The following BDNF variants were observed in gnomAD, a reference collection of about 807,000 sequenced individuals.
BDNF encodes the protein neurotrophic factor BDNF precursor form.
Under a neutral mutation model 19.5 loss-of-function variants are expected in BDNF, and 1 was observed. The ratio of observed to expected loss-of-function variants is 0.05; its 90% CI spans 0.02 to 0.24. The LOEUF (loss-of-function observed/expected upper bound fraction) is 0.24. Among genes scored for constraint, BDNF ranks in the 10% least tolerant of loss-of-function variants. BDNF has a pLI of 1.00. For synonymous variants in BDNF, 100 were observed against 121.6 expected (o/e 0.82, Z 1.17); for missense variants, 195 against 317.6 (o/e 0.61, Z 2.93).
chr11:27,703,841 G>A (rs780381114), upstream of BDNF, among the ~76,000 whole-genome samples: 1 of 152,158 alleles, frequency 6.6e-6, no homozygotes, highest in Non-Finnish European at 1.5e-5. Flanking sequence ...TTATAGCATT[G>A]CCAATACTGT....
In BDNF at chr11:27,656,039, G is replaced by T. The variant is rs11030100; in HGVS notation, c.*1782C>A. 26,114 of 152,006 alleles carry T rather than the reference G, an allele frequency of 0.17. 2,876 individuals are homozygous for T. The highest frequency in any genetic ancestry group is 0.46 in the East Asian group (2,366 of 5,096). 9.4% of individuals were successfully genotyped at this position (152,006 alleles called of 1,614,324 possible). The stretch of plus-strand genomic sequence containing the variant: ...CTTCCATTGAGCAAGGCACCTTCAA[G>T]TCTTGGTGTTCTGAATGTCCAGACA... On this transcript the variant is annotated 3_prime_UTR_variant, in exon 2 of 2. Transcript: ENST00000356660.
intron 1 of BDNF, among the ~76,000 whole-genome samples, chr11:27,687,473 TGGA>T (rs1857630888): frequency 6.6e-6 from 1 of 152,222 alleles, no homozygotes; most frequent in South Asian, 2.1e-4. Context: ...TGTGCTCCCT[TGGA>T]GGAGAAGAGG....
chr11:27,686,458 T>C (rs994196532), intron 1 of BDNF, among the ~76,000 whole-genome samples: 41 of 152,220 alleles, frequency 2.7e-4, no homozygotes, highest in Non-Finnish European at 3.2e-4. Context: ...AGCTGGTTAT[T>C]TTGCCCATTA....
At chr11:27,674,698 A>T in intron 1 of BDNF, 1 of 985,426 alleles carries the variant, frequency 1.0e-6, no homozygotes, top group South Asian at 4.7e-5. Flanking sequence ...CAGGACTGTG[A>T]AAACATCTGT....
At chr11:27,718,354 A>ACCCCCCCCCCTCCCCCCC (rs376255605) in intron 1 of BDNF, among the ~76,000 whole-genome samples, 1 of 101,112 alleles carries the variant, frequency 9.9e-6, no homozygotes. Flanking sequence ...TCCGCACACC[A>ACCCCCCCCCCTCCCCCCC]CCCCCCCCCG....
rs112055742 is a variant in BDNF at position 27,712,986 on chromosome 11, C to T, written c.3+8426G>A. Among the ~76,000 whole-genome samples the T allele has an allele frequency of 7.4e-3, 1,082 of 145,366 alleles. 12 individuals carry two copies. The highest frequency in any genetic ancestry group is 0.026 in the African/African-American group (1,007 of 39,020). On this transcript the variant is annotated intron_variant, in intron 1 of 1. Transcript: ENST00000314915. ...GCAATGGCATGATCTCGGCTTACTA[C>T]AGCCTCTGTCTCCATGGTTCAAGTT...
intron 1 of BDNF, among the ~76,000 whole-genome samples, chr11:27,678,948 G>A (rs1429045663): frequency 6.6e-6 from 1 of 152,018 alleles, no homozygotes; most frequent in Non-Finnish European, 1.5e-5. Context: ...CTCCTAAAAC[G>A]AAACATTCCA....
Position 27,655,068 on chromosome 11 carries a change from A to G in BDNF, c.*2753T>C, listed in dbSNP as rs1852390209. ...TAATTATATAAATATACTAAAATAC[A>G]ATAAATATTGTTTTTTGTTTTACAT... On this transcript the variant is annotated 3_prime_UTR_variant, in exon 2 of 2. Transcript: ENST00000356660. 1 of 152,404 alleles carries G rather than the reference A, an allele frequency of 6.6e-6. No individual in the cohort carries two copies. The highest frequency in any genetic ancestry group is 1.9e-4 in the East Asian group (1 of 5,192). 9.4% of individuals were successfully genotyped at this position (152,404 alleles called of 1,614,324 possible). A position where few individuals can be genotyped will look rare whatever the true frequency, so the allele number is the denominator to read the frequency against.
chr11:27,670,850 G>A (rs972562723), intron 1 of BDNF, among the ~76,000 whole-genome samples: 11 of 152,186 alleles, frequency 7.2e-5, no homozygotes, highest in African/African-American at 2.4e-4. Flanking sequence ...ACAGTGTGGC[G>A]ATTCCTCTAG....
At chr11:27,665,404 A>T (rs1198144184) in intron 1 of BDNF, 1 of 152,494 alleles carries the variant, frequency 6.6e-6, no homozygotes, top group African/African-American at 2.4e-5. Flanking sequence ...TACCGGGTTC[A>T]TCTCACTGGG....
At chr11:27,675,990 G>A (rs559049816) in intron 1 of BDNF, 1 of 152,290 alleles carries the variant, frequency 6.6e-6, no homozygotes, top group African/African-American at 2.4e-5. Context: ...CATCCCAAAT[G>A]TGTGTGGCAA....
At chr11:27,667,905 C>T (rs1854645289) in intron 1 of BDNF, among the ~76,000 whole-genome samples, 1 of 152,174 alleles carries the variant, frequency 6.6e-6, no homozygotes, top group Non-Finnish European at 1.5e-5. Context: ...CTCAGCTCTG[C>T]ACCAAGCGGA....
intron 1 of BDNF, chr11:27,697,908 C>T (rs1400485984): frequency 6.6e-6 from 1 of 152,046 alleles, no homozygotes; most frequent in Non-Finnish European, 1.5e-5. Flanking sequence ...AAAACATGTA[C>T]GTAAGCCTTG....
intron 1 of BDNF, chr11:27,660,401 A>T (rs1490089264): frequency 3.2e-6 from 1 of 315,290 alleles, no homozygotes; most frequent in East Asian, 1.1e-4. Context: ...TAAAATACAG[A>T]TGTCTATTCC....
At position 27,657,075 on chromosome 11, in the gene BDNF, G is replaced by A; in HGVS notation, c.*746C>T. ...AGGTGCATCACGGGATGTGGAGTGT[G>A]AGCATTTTTTTGTTCAGTTGCCTTA... On this transcript the variant is annotated 3_prime_UTR_variant, in exon 2 of 2. Transcript: ENST00000356660. This position sits in a 1 kb window ranked among gnomAD's most constrained non-coding sequence, Gnocchi z 5.0. The A allele has an allele frequency of 2.0e-6, 2 of 985,558 alleles. No homozygotes were observed. Among genetic ancestry groups the A allele is most frequent in the Non-Finnish European group, 2.4e-6 (2 of 829,984 alleles). 61.1% of individuals were successfully genotyped at this position (985,558 alleles called of 1,614,324 possible).
At chr11:27,681,162 A>G (rs557130574) in intron 1 of BDNF, among the ~76,000 whole-genome samples, 27 of 152,308 alleles carry the variant, frequency 1.8e-4, no homozygotes, top group Non-Finnish European at 3.1e-4. Context: ...ACATTGTTCT[A>G]TCTACACACA....
chr11:27,710,568 A>G (rs537705978), intron 1 of BDNF, among the ~76,000 whole-genome samples: 1 of 152,314 alleles, frequency 6.6e-6, no homozygotes, highest in Non-Finnish European at 1.5e-5. Context: ...AAGGAAAGCC[A>G]ATAAACATTC....
chr11:27,684,933 TC>T (rs1857292297), intron 1 of BDNF, among the ~76,000 whole-genome samples: 1 of 152,332 alleles, frequency 6.6e-6, no homozygotes. Context: ...TAGGGAGGAT[TC>T]CCTCCTTTTC....
chr11:27,701,044 A>C, upstream of BDNF: 4 of 1,356,428 alleles, frequency 2.9e-6, no homozygotes, highest in Non-Finnish European at 3.9e-6. Flanking sequence ...CATGGGGGCT[A>C]TTGGTTTACT....
Sources: allele counts gnomAD v4.1 joint callset (sites outside exome capture counted in the v4.1 genomes callset), GRCh38; gene constraint gnomAD v4.1.1; non-coding constraint Gnocchi (gnomAD v3.1); transcripts MANE v1.5; gene names NCBI Gene and HGNC (gene_info 2026-07-23, HGNC 2026-07-21).